The following SLC25A51 variants were observed in gnomAD, a reference collection of about 807,000 sequenced individuals.
The protein encoded by SLC25A51 is solute carrier family 25 member 51, also known as mitochondrial nicotinamide adenine dinucleotide transporter SLC25A51.
A neutral mutation model predicts 19.1 loss-of-function variants in SLC25A51; 11 were observed. That is an observed-to-expected ratio of 0.58 (90% confidence interval 0.36 to 0.96). The LOEUF (loss-of-function observed/expected upper bound fraction) is 0.96, where lower values mean the gene tolerates loss of function less well. SLC25A51 is among the 40% of genes least tolerant of loss of function. The pLI is 0.01. For missense variants in SLC25A51, 201 were observed against 365.4 expected (o/e 0.55, Z 3.67); for synonymous variants, 105 against 133.6 (o/e 0.79, Z 1.47).
intron 2 of SLC25A51, among the ~76,000 whole-genome samples, chr9:37,896,893 G>A (rs78268884): frequency 0.018 from 2,678 of 152,152 alleles, 54 homozygotes; most frequent in Admixed American, 0.051. Context: ...ATGTATGTCC[G>A]GTACCTATGT....
At chr9:37,902,692 C>T (rs1328548806) in intron 1 of SLC25A51, among the ~76,000 whole-genome samples, 5 of 152,292 alleles carry the variant, frequency 3.3e-5, no homozygotes, top group East Asian at 3.9e-4. Context: ...CATAACTTTA[C>T]GCTTGTTTGC....
At chr9:37,897,608 CA>C (rs1831746889) in intron 2 of SLC25A51, among the ~76,000 whole-genome samples, 5 of 151,284 alleles carry the variant, frequency 3.3e-5, no homozygotes, top group Admixed American at 3.3e-4. Flanking sequence ...ACTTCCTGAA[CA>C]AAATTAAATT....
intron 2 of SLC25A51, among the ~76,000 whole-genome samples, chr9:37,891,664 C>T (rs1333180608): frequency 6.6e-6 from 1 of 151,862 alleles, no homozygotes; most frequent in Non-Finnish European, 1.5e-5. Context: ...GCAGCATGCT[C>T]GTTAAGAGTC....
chr9:37,901,509 C>CT (rs1375113042), intron 1 of SLC25A51, among the ~76,000 whole-genome samples: 1 of 152,296 alleles, frequency 6.6e-6, no homozygotes, highest in Middle Eastern at 3.4e-3. Context: ...TATTTTTATC[C>CT]TTTATTTCAT....
chr9:37,887,401 C>A (rs1156355039), downstream of SLC25A51, among the ~76,000 whole-genome samples: 6 of 151,428 alleles, frequency 4.0e-5, no homozygotes, highest in Admixed American at 6.6e-5. Context: ...TCATTGAAGA[C>A]AATATTGAAC....
At chr9:37,883,516 T>C (rs1831387951), downstream of SLC25A51, among the ~76,000 whole-genome samples, 1 of 152,244 alleles carries the variant, frequency 6.6e-6, no homozygotes, top group Non-Finnish European at 1.5e-5. Context: ...AGAACTCAGA[T>C]TTCTACCACC....
chr9:37,884,301 CTGTTA>C (rs1831405489), downstream of SLC25A51, among the ~76,000 whole-genome samples: 4 of 152,136 alleles, frequency 2.6e-5, no homozygotes, highest in African/African-American at 9.7e-5. Flanking sequence ...AAGTTTTTGT[CTGTTA>C]AGGGATGAGA....
intron 2 of SLC25A51, among the ~76,000 whole-genome samples, chr9:37,896,744 C>T (rs772036190): frequency 1.3e-5 from 2 of 152,054 alleles, no homozygotes; most frequent in Non-Finnish European, 2.9e-5. Context: ...TGCAGTGAGC[C>T]GAGATTGCAC....
At chr9:37,898,148 C>T (rs1231565479) in intron 2 of SLC25A51, among the ~76,000 whole-genome samples, 6 of 152,238 alleles carry the variant, frequency 3.9e-5, no homozygotes, top group Admixed American at 6.5e-5. Context: ...CAGTAGTTTA[C>T]ACCTGTAATC....
At chr9:37,886,158 T>C (rs1831451925), downstream of SLC25A51, 1 of 1,450,784 alleles carries the variant, frequency 6.9e-7, no homozygotes, top group Non-Finnish European at 9.7e-7. Flanking sequence ...CTCCCTACCC[T>C]GATCCTGTTC....
chr9:37,879,529 A>C (rs1447042002), exon 4 of SLC25A51: 2 of 154,994 alleles, frequency 1.3e-5, no homozygotes, highest in African/African-American at 4.8e-5. Flanking sequence ...AAAACTACAA[A>C]TTTCTAATTT....
At chr9:37,892,217 C>T (rs542637016) in intron 2 of SLC25A51, among the ~76,000 whole-genome samples, 89 of 152,312 alleles carry the variant, frequency 5.8e-4, no homozygotes, top group African/African-American at 2.0e-3. Flanking sequence ...ATCAAGGCCC[C>T]ATACAGCAGG....
At chr9:37,886,992 T>C (rs1339701585), downstream of SLC25A51, among the ~76,000 whole-genome samples, 3 of 139,936 alleles carry the variant, frequency 2.1e-5, no homozygotes, top group African/African-American at 5.4e-5. Flanking sequence ...TGAAACCCCA[T>C]CTCTACTAAA....
chr9:37,886,086 C>G, downstream of SLC25A51: 1 of 1,546,368 alleles, frequency 6.5e-7, no homozygotes. Flanking sequence ...ACGGTGGATG[C>G]TGGACGCTAT....
At chr9:37,891,082 G>A (rs1411747049) in intron 2 of SLC25A51, among the ~76,000 whole-genome samples, 9 of 152,236 alleles carry the variant, frequency 5.9e-5, no homozygotes, top group African/African-American at 2.2e-4. Context: ...CCTAAGGGGC[G>A]TATATCTGCC....
At chr9:37,891,670 G>A (rs1472134855) in intron 2 of SLC25A51, among the ~76,000 whole-genome samples, 2 of 152,002 alleles carry the variant, frequency 1.3e-5, no homozygotes, top group Non-Finnish European at 2.9e-5. Flanking sequence ...TGCTCGTTAA[G>A]AGTCATCACC....
At chr9:37,891,042 A>T (rs1341302747) in intron 2 of SLC25A51, among the ~76,000 whole-genome samples, 3 of 152,234 alleles carry the variant, frequency 2.0e-5, no homozygotes, top group Admixed American at 6.5e-5. Flanking sequence ...CGTAGAGCTG[A>T]GGCACAGAAA....
intron 2 of SLC25A51, among the ~76,000 whole-genome samples, chr9:37,894,283 G>C (rs1831662363): frequency 6.6e-6 from 1 of 151,704 alleles, no homozygotes; most frequent in African/African-American, 2.4e-5. Context: ...AGAGTGTCTA[G>C]AGGAAAGGTC....
At chr9:37,879,961 T>C (rs1226046315) in exon 4 of SLC25A51, 1 of 152,308 alleles carries the variant, frequency 6.6e-6, no homozygotes, top group Admixed American at 6.5e-5. Context: ...CTGTCTCCTG[T>C]AGGCCACAGC....
Sources: allele counts gnomAD v4.1 joint callset (sites outside exome capture counted in the v4.1 genomes callset), GRCh38; gene constraint gnomAD v4.1.1; transcripts MANE v1.5; gene names NCBI Gene and HGNC (gene_info 2026-07-23, HGNC 2026-07-21).